The following TMEM130 variants were observed in gnomAD, a reference collection of about 807,000 sequenced individuals.
TMEM130 encodes transmembrane protein 130.
TMEM130 carries 37 observed loss-of-function variants against 42.9 expected under a neutral mutation model. The observed-to-expected ratio is 0.86, with a 90% CI of 0.66 to 1.13. The LOEUF (loss-of-function observed/expected upper bound fraction) is 1.13. Ranked by LOEUF, TMEM130 falls within the 50% of genes most tolerant of loss-of-function variation. The pLI, the probability that TMEM130 is intolerant of heterozygous loss-of-function variation, is 0.00. For missense variants in TMEM130, 545 were observed against 562.6 expected (o/e 0.97, Z 0.32); for synonymous variants, 259 against 237.7 (o/e 1.09, Z -0.82).
chr7:98,856,053 TCTGCTTCACAGCC>T lies in TMEM130; in HGVS notation c.669_681del (p.Ala224ArgfsTer9). ...AGCGAGGCGGAGAAGTCCCCGGTCT[TCTGCTTCACAGCC>T]CTCGTGGCATCCGGCTCCACCTCTT... On this transcript the variant is annotated frameshift_variant, in exon 4 of 8. Coordinates refer to ENST00000339375, the MANE Select transcript of TMEM130 (RefSeq NM_152913.3). LOFTEE classifies it high-confidence loss of function. 6.2e-7 allele frequency: 1 copy of T among 1,613,692 alleles called. No individual in the cohort carries two copies. Among genetic ancestry groups the T allele is most frequent in the Non-Finnish European group, 8.5e-7 (1 of 1,180,024 alleles).
chr7:98,865,098 TAGC>T (rs1794878254), intron 1 of TMEM130, among the ~76,000 whole-genome samples: 1 of 152,322 alleles, frequency 6.6e-6, no homozygotes, highest in South Asian at 2.1e-4. Context: ...GCTTGGCACA[TAGC>T]AGGTGTTTGG....
chr7:98,869,532 G>C lies in TMEM130; in HGVS notation c.85+245C>G, dbSNP rs974360012. On this transcript the variant is annotated intron_variant, in intron 1 of 7. Coordinates refer to ENST00000339375, the MANE Select transcript of TMEM130 (RefSeq NM_152913.3). The surrounding 1 kb of genome is among the most constrained non-coding windows in gnomAD (Gnocchi z 4.7). Reference sequence around the variant, plus strand: ...GGTTTCCAGGGCAGGGCCAGCCTGGGGGGGTGGAAGCAGGAATCCAGGGGG... The same window carrying C: ...GGTTTCCAGGGCAGGGCCAGCCTGGCGGGGTGGAAGCAGGAATCCAGGGGG... Among the ~76,000 whole-genome samples, 9 of 152,244 alleles carry C rather than the reference G, an allele frequency of 5.9e-5. No homozygotes were observed. The highest frequency in any genetic ancestry group is 4.4e-5 in the Non-Finnish European group (3 of 68,040).
chr7:98,850,509 C>A (rs1262612010), intron 6 of TMEM130, among the ~76,000 whole-genome samples: 4 of 151,268 alleles, frequency 2.6e-5, no homozygotes, highest in African/African-American at 9.7e-5. Context: ...AAACTCTTGG[C>A]CTCAAGTGAT....
chr7:98,853,999 AG>A, intron 5 of TMEM130, among the ~76,000 whole-genome samples: 1 of 151,702 alleles, frequency 6.6e-6, no homozygotes, highest in South Asian at 2.1e-4. Context: ...TGCAGACTGG[AG>A]GGCAGAACAG....
intron 6 of TMEM130, among the ~76,000 whole-genome samples, chr7:98,850,273 A>ATTTTTTTTTTTTTTTTTTT (rs1554398023): frequency 5.1e-4 from 18 of 35,436 alleles, no homozygotes; most frequent in Non-Finnish European, 8.2e-4. Context: ...ATATATATAT[A>ATTTTTTTTTTTTTTTTTTT]TTTTTTTTTT....
In TMEM130 at chr7:98,863,022, T is replaced by C. The variant is rs1002271347; in HGVS notation, c.391+73A>G. 5 of 1,501,440 alleles carry C rather than the reference T, an allele frequency of 3.3e-6. No homozygotes were observed. The African/African-American group carries it at 6.9e-5, about 21-fold the overall frequency. The allele number at this position is 1,501,440 out of a possible 1,614,324, so 93.0% of individuals were successfully genotyped here. On this transcript the variant is annotated intron_variant, in intron 2 of 7. Coordinates refer to ENST00000339375, the MANE Select transcript of TMEM130 (RefSeq NM_152913.3). ...CGGGCCTAATCTGCATTGATCTGAT[T>C]CCTAGCGAAGCTTGATGTTTTTCTC...
chr7:98,853,489 G>A (rs373769035), intron 5 of TMEM130, among the ~76,000 whole-genome samples: 4 of 152,146 alleles, frequency 2.6e-5, no homozygotes, highest in South Asian at 2.1e-4. Flanking sequence ...TTAGCCCAGC[G>A]TGGTGGCACG....
intron 7 of TMEM130, 136 bp from the exon 8 acceptor site, chr7:98,848,344 C>T (rs1794410444): frequency 1.9e-6 from 2 of 1,032,252 alleles, no homozygotes; most frequent in East Asian, 2.5e-5. Flanking sequence ...TGCACAGAAA[C>T]ACCTTTCTGG....
intron 5 of TMEM130, among the ~76,000 whole-genome samples, chr7:98,853,619 C>T (rs1385210442): frequency 3.3e-5 from 5 of 152,154 alleles, no homozygotes; most frequent in African/African-American, 1.2e-4. Context: ...CAAAGCGAGT[C>T]TCTGTCTGAA....
intron 1 of TMEM130, among the ~76,000 whole-genome samples, chr7:98,864,373 ATTT>A (rs1300065501): frequency 7.0e-6 from 1 of 143,278 alleles, no homozygotes; most frequent in African/African-American, 2.6e-5. Flanking sequence ...CGCTTGGCTG[ATTT>A]TTTTCTTTTT....
At chr7:98,864,386 T>C (rs1255022166) in intron 1 of TMEM130, among the ~76,000 whole-genome samples, 6 of 150,456 alleles carry the variant, frequency 4.0e-5, no homozygotes, top group East Asian at 1.9e-4. Flanking sequence ...TTTTTCTTTT[T>C]TTTTTTTTTT....
intron 6 of TMEM130, among the ~76,000 whole-genome samples, chr7:98,851,217 G>C (rs1309630895): frequency 1.3e-5 from 2 of 152,160 alleles, no homozygotes; most frequent in African/African-American, 4.8e-5. Context: ...GGAGAGTTTG[G>C]TGGTGGTGGT....
At chr7:98,865,021 T>C (rs1323379450) in intron 1 of TMEM130, among the ~76,000 whole-genome samples, 1 of 152,254 alleles carries the variant, frequency 6.6e-6, no homozygotes, top group African/African-American at 2.4e-5. Context: ...TTTCTTTGCC[T>C]TTCCTGCTAT....
At chr7:98,855,712 C>T (rs549193997) in intron 4 of TMEM130, among the ~76,000 whole-genome samples, 3 of 151,996 alleles carry the variant, frequency 2.0e-5, no homozygotes, top group Non-Finnish European at 2.9e-5. Context: ...GGTGGGAGGC[C>T]GATGGGGCCG....
At chr7:98,860,155 G>T (rs373852603) in intron 3 of TMEM130, 24 bp downstream of exon 3, 4 of 1,605,834 alleles carry the variant, frequency 2.5e-6, no homozygotes, top group African/African-American at 2.7e-5. Flanking sequence ...CAGCTGTAGG[G>T]CCTGCAGAGG....
intron 1 of TMEM130, among the ~76,000 whole-genome samples, chr7:98,863,925 T>C (rs1554400267): frequency 6.6e-6 from 1 of 151,424 alleles, no homozygotes; most frequent in Non-Finnish European, 1.5e-5. Context: ...GTTCTCTGGA[T>C]CTCACTCTGT....
chr7:98,861,273 G>A (rs1554399750), intron 2 of TMEM130, among the ~76,000 whole-genome samples: 1 of 151,884 alleles, frequency 6.6e-6, no homozygotes, highest in African/African-American at 2.4e-5. Flanking sequence ...GGGAGGCAGA[G>A]CTTGCAGTGA....
In TMEM130 at chr7:98,847,422, G is replaced by A. The variant is rs1347543031; in HGVS notation, c.*634C>T. 6.6e-6 allele frequency: 1 copy of A among 152,176 alleles called. No homozygotes were observed. The highest frequency in any genetic ancestry group is 1.5e-5 in the Non-Finnish European group (1 of 68,094). The allele number at this position is 152,176 out of a possible 1,614,324, so 9.4% of individuals were successfully genotyped here. A position where few individuals can be genotyped will look rare whatever the true frequency, so the allele number is the denominator to read the frequency against. ...GGTCAAATTTCCTTTCAGCTCTAGT[G>A]CAGGGTGCATCCCAGCAACCGACTT... On this transcript the variant is annotated 3_prime_UTR_variant, in exon 8 of 8. Coordinates refer to ENST00000339375, the MANE Select transcript of TMEM130 (RefSeq NM_152913.3).
At chr7:98,863,863 T>A (rs369245195) in intron 1 of TMEM130, among the ~76,000 whole-genome samples, 2 of 150,906 alleles carry the variant, frequency 1.3e-5, no homozygotes, top group African/African-American at 4.9e-5. Flanking sequence ...TCCTTCTTTC[T>A]TTCTTCCTTT....
Sources: allele counts gnomAD v4.1 joint callset (sites outside exome capture counted in the v4.1 genomes callset), GRCh38; gene constraint gnomAD v4.1.1; non-coding constraint Gnocchi (gnomAD v3.1); transcripts MANE v1.5; gene names NCBI Gene and HGNC (gene_info 2026-07-23, HGNC 2026-07-21).